GLB1L2: variants seen among roughly 807,000 people sequenced by gnomAD.
GLB1L2 encodes the protein galactosidase beta 1 like 2, also known as beta-galactosidase-1-like protein 2.
Under a neutral mutation model 84.1 loss-of-function variants are expected in GLB1L2, and 68 were observed. The ratio of observed to expected loss-of-function variants is 0.81; its 90% confidence interval spans 0.67 to 0.99. The LOEUF is 0.99. Among genes scored for constraint, GLB1L2 ranks in the 50% least tolerant of loss-of-function variants. The pLI, the probability that GLB1L2 is intolerant of heterozygous loss-of-function variation, is 0.00. For synonymous variants in GLB1L2, 290 were observed against 318.0 expected (o/e 0.91, Z 0.94); for missense variants, 762 against 805.6 (o/e 0.95, Z 0.66).
intron 5 of GLB1L2, 36 bp downstream of exon 5, chr11:134,347,469 G>A: frequency 7.0e-7 from 1 of 1,429,654 alleles, no homozygotes; most frequent in Non-Finnish European, 9.9e-7. Context: ...ATCTTGGTCT[G>A]TCTTCCTCTA....
intron 6 of GLB1L2, 35 bp downstream of exon 6, chr11:134,356,428 T>G: frequency 6.7e-7 from 1 of 1,490,522 alleles, no homozygotes; most frequent in East Asian, 2.3e-5. Flanking sequence ...TTTAGATTCC[T>G]TCCTCTGGAG....
chr11:134,360,606 C>T (rs1422879223), intron 7 of GLB1L2: 2 of 152,142 alleles, frequency 1.3e-5, no homozygotes, highest in African/African-American at 4.8e-5. Flanking sequence ...GGCCCTCCCA[C>T]CTCCAGGCAC....
In GLB1L2 at chr11:134,364,365, G is replaced by A; in HGVS notation, c.771G>A (p.Leu257=). 1 of 1,614,036 alleles carries A rather than the reference G, an allele frequency of 6.2e-7. No individual in the cohort carries two copies. Among genetic ancestry groups the A allele is most frequent in the Non-Finnish European group, 8.5e-7 (1 of 1,179,920 alleles). Reference sequence around the variant, plus strand: ...TCAACTTGCAGTCAACACACGAGCTGCAGCTACTGACCACCTTTCTCTTCA... The same window carrying A: ...TCAACTTGCAGTCAACACACGAGCTACAGCTACTGACCACCTTTCTCTTCA... ...ATINLQSTHE[L]QLLTTFLFNV... is the part of the protein sequence containing the mutation. The change falls in exon 8 of 19, where the codon CTG becomes CTA. Residue 257 remains leucine, a synonymous_variant. Coordinates refer to ENST00000535456, the MANE Select transcript of GLB1L2 (RefSeq NM_001370461.1).
chr11:134,357,674 G>A (rs59123360), intron 6 of GLB1L2, among the ~76,000 whole-genome samples: 4,208 of 152,362 alleles, frequency 0.028, 217 homozygotes, highest in African/African-American at 0.095. Context: ...CTTCCCTGGT[G>A]TCGGGGCGGA....
In GLB1L2 at chr11:134,371,484, CT is replaced by C. The variant is rs776853973; in HGVS notation, c.1421del (p.Leu474ArgfsTer8). ...CAAGACAACGAAGATTGCTGTCCCC[CT>C]GATCCAGGTTCGTTGTTTTTGGGAG... ...DYKTTKIAVP[L>X]IQGYTVLRIL... is the part of the protein sequence containing the mutation. On this transcript the variant is annotated frameshift_variant, in exon 14 of 19. Coordinates refer to ENST00000535456, the MANE Select transcript of GLB1L2 (RefSeq NM_001370461.1). LOFTEE classifies it high-confidence loss of function. 1.2e-5 allele frequency: 19 copies of C among 1,583,066 alleles called. No individual in the cohort carries two copies. Among genetic ancestry groups the C allele is most frequent in the South Asian group, 6.6e-5 (6 of 90,410 alleles).
At position 134,369,958 on chromosome 11, in the gene GLB1L2, T is replaced by C. The variant is rs140994273; in HGVS notation, c.1108+73T>C. 38 of 1,270,884 alleles carry C rather than the reference T, an allele frequency of 3.0e-5. 1 individual carries two copies. In the African/African-American group the frequency reaches 4.9e-4, roughly 16 times the overall value. 78.7% of individuals were successfully genotyped at this position (1,270,884 alleles called of 1,614,324 possible). A position where few individuals can be genotyped will look rare whatever the true frequency, so the allele number is the denominator to read the frequency against. ...TGCTCTCAGACCCCTAAAGAGTTAC[T>C]TCCTTACTGTCCCACCTCGACCCCA... On this transcript the variant is annotated intron_variant, in intron 11 of 18. Transcript: ENST00000535456.
intron 15 of GLB1L2, among the ~76,000 whole-genome samples, chr11:134,372,245 A>G (rs748495087): frequency 6.6e-6 from 1 of 152,154 alleles, no homozygotes; most frequent in East Asian, 1.9e-4. Context: ...ATCTTGGGAA[A>G]GCTTATCTCA....
intron 4 of GLB1L2, chr11:134,347,099 T>G (rs550716573): frequency 2.0e-6 from 1 of 506,646 alleles, no homozygotes; most frequent in East Asian, 3.0e-5. Flanking sequence ...GAAATGAACT[T>G]CCACCAGGCT....
At position 134,339,251 on chromosome 11, in the gene GLB1L2, CTTTAT is replaced by C. The variant is rs1420036595; in HGVS notation, c.87-3496_87-3492del. ...ACTCCAACCACACTGTTGATATTTC[CTTTAT>C]TTTATTATTACTGAGTTACTCAGGA... On this transcript the variant is annotated intron_variant, in intron 1 of 18. Coordinates refer to ENST00000535456, the MANE Select transcript of GLB1L2 (RefSeq NM_001370461.1). This position sits in a 1 kb window ranked among gnomAD's most constrained non-coding sequence, Gnocchi z 5.7. Among the ~76,000 whole-genome samples, 1 of 152,084 alleles carries C rather than the reference CTTTAT, an allele frequency of 6.6e-6. No homozygotes were observed. The highest frequency in any genetic ancestry group is 1.5e-5 in the Non-Finnish European group (1 of 68,014).
chr11:134,340,624 C>T (rs1353429249), intron 1 of GLB1L2, among the ~76,000 whole-genome samples: 2 of 152,192 alleles, frequency 1.3e-5, no homozygotes, highest in Non-Finnish European at 2.9e-5. Context: ...GGGCCGAGGC[C>T]TTGTCTTAGC....
At chr11:134,344,513 T>TC in intron 3 of GLB1L2, 58 bp downstream of exon 3, 1 of 1,517,806 alleles carries the variant, frequency 6.6e-7, no homozygotes, top group Non-Finnish European at 9.0e-7. Context: ...AGGTGGCTAC[T>TC]GGGGTGGATT....
chr11:134,345,518 T>G (rs1484150253), intron 4 of GLB1L2, among the ~76,000 whole-genome samples: 2 of 152,234 alleles, frequency 1.3e-5, no homozygotes. Context: ...GCACTCAGGC[T>G]GGAGTGCAGT....
intron 9 of GLB1L2, 56 bp from the exon 10 acceptor site, chr11:134,368,588 G>A (rs1178958092): frequency 1.8e-5 from 29 of 1,598,828 alleles, no homozygotes; most frequent in East Asian, 4.5e-5. Context: ...AAGGGACCCC[G>A]GCTCATCTCA....
In GLB1L2 at chr11:134,339,912, T is replaced by C. The variant is rs1943438229; in HGVS notation, c.87-2842T>C. 6.6e-6 allele frequency among the ~76,000 whole-genome samples: 1 copy of C among 152,168 alleles called. No homozygotes were observed. Among genetic ancestry groups the C allele is most frequent in the Non-Finnish European group, 1.5e-5 (1 of 68,026 alleles). ...GTGTCTGCACTTTGAGTCAGGCGGC[T>C]GTGACCCTGAGGGAGTTCAGAGGTG... On this transcript the variant is annotated intron_variant, in intron 1 of 18. Transcript: ENST00000535456. This position sits in a 1 kb window ranked among gnomAD's most constrained non-coding sequence, Gnocchi z 5.7.
At chr11:134,337,703 G>A (rs1163789800) in intron 1 of GLB1L2, among the ~76,000 whole-genome samples, 4 of 152,160 alleles carry the variant, frequency 2.6e-5, no homozygotes, top group African/African-American at 9.7e-5. Context: ...ACATCCAAGT[G>A]AGGAATTCCC....
rs1243053571 is a variant in GLB1L2, at chr11:134,359,150, A to C, written c.733+9A>C. The C allele has an allele frequency of 1.3e-6, 2 of 1,588,432 alleles. No individual in the cohort carries two copies. Among genetic ancestry groups the C allele is most frequent in the Non-Finnish European group, 1.7e-6 (2 of 1,166,422 alleles). On this transcript the variant is annotated intron_variant, in intron 7 of 18. Transcript: ENST00000535456. ...GGGGATTGTCCAGGGAGGTAACTGC[A>C]CTTGTGTTGGGCCGTGGGGGCTGGC... is the stretch of plus-strand genomic sequence containing the variant.
At chr11:134,371,969 C>G in intron 15 of GLB1L2, 139 bp downstream of exon 15, 1 of 757,220 alleles carries the variant, frequency 1.3e-6, no homozygotes, top group Admixed American at 2.2e-5. Flanking sequence ...TACATGAGGC[C>G]AGTTCTGAGT....
chr11:134,362,133 T>C (rs536599124), intron 7 of GLB1L2, among the ~76,000 whole-genome samples: 4 of 152,372 alleles, frequency 2.6e-5, no homozygotes, highest in Middle Eastern at 3.4e-3. Flanking sequence ...TTTATCTCTG[T>C]GCCTTTCAGC....
At chr11:134,341,592 C>CCTTT (rs1353666065) in intron 1 of GLB1L2, among the ~76,000 whole-genome samples, 2 of 152,186 alleles carry the variant, frequency 1.3e-5, no homozygotes, top group Non-Finnish European at 2.9e-5. Context: ...ATGAGATGAC[C>CCTTT]CTTTCATCTG....
Sources: gnomAD v4.1 joint callset for allele counts (sites outside exome capture counted in the v4.1 genomes callset) on GRCh38, gnomAD v4.1.1 for gene constraint, Gnocchi (gnomAD v3.1) non-coding constraint, MANE v1.5 for transcripts, NCBI Gene and HGNC (gene_info 2026-07-23, HGNC 2026-07-21) for gene names.